The following KCNK17 variants were observed in gnomAD, a reference collection of about 807,000 sequenced individuals.
KCNK17 encodes the protein potassium channel subfamily K member 17.
KCNK17 carries 27 observed loss-of-function variants against 24.6 expected under a neutral mutation model. The observed-to-expected ratio is 1.10, with a 90% CI of 0.81 to 1.51. KCNK17 has a LOEUF of 1.51. KCNK17 is among the 40% of genes most tolerant of loss of function. The pLI is 0.00. For missense variants in KCNK17, 450 were observed against 436.6 expected (o/e 1.03, Z -0.27); for synonymous variants, 181 against 189.8 (o/e 0.95, Z 0.38).
At position 39,301,627 on chromosome 6, in the gene KCNK17, C is replaced by A. The variant is rs572660075; in HGVS notation, c.689-1890G>T. On this transcript the variant is annotated intron_variant, in intron 4 of 4. Coordinates refer to ENST00000373231, the MANE Select transcript of KCNK17 (RefSeq NM_031460.4). ...GAGGCGCTCTTCTCCGTTTTTATTT[C>A]ATTTTTTTAAGCTGAAATCATAAGT... 2.1e-3 allele frequency among the ~76,000 whole-genome samples: 317 copies of A among 152,382 alleles called. 1 individual carries two copies. Among genetic ancestry groups the A allele is most frequent in the African/African-American group, 6.7e-3 (280 of 41,594 alleles).
chr6:39,310,649 T>C (rs1038861599), intron 2 of KCNK17, among the ~76,000 whole-genome samples: 1 of 152,078 alleles, frequency 6.6e-6, no homozygotes, highest in Admixed American at 6.5e-5. Context: ...CCTAGAGCAG[T>C]GCTTGTCAAA....
chr6:39,300,814 T>C (rs987619955), intron 4 of KCNK17, among the ~76,000 whole-genome samples: 1 of 152,196 alleles, frequency 6.6e-6, no homozygotes, highest in African/African-American at 2.4e-5. Flanking sequence ...ATGCTCTTCA[T>C]TTTCCATTTT....
At chr6:39,310,449 G>T (rs563271333) in intron 2 of KCNK17, among the ~76,000 whole-genome samples, 1 of 152,090 alleles carries the variant, frequency 6.6e-6, no homozygotes, top group East Asian at 1.9e-4. Context: ...GGGGTCTAAA[G>T]CTCTTTCTTT....
At chr6:39,303,557 A>T (rs1761979170) in intron 4 of KCNK17, among the ~76,000 whole-genome samples, 1 of 152,164 alleles carries the variant, frequency 6.6e-6, no homozygotes, top group Admixed American at 6.5e-5. Context: ...GGGTTCCAGG[A>T]GTCTCCCGGA....
chr6:39,305,629 CTGTCT>C (rs1303967437), intron 2 of KCNK17, among the ~76,000 whole-genome samples: 1 of 152,232 alleles, frequency 6.6e-6, no homozygotes, highest in Non-Finnish European at 1.5e-5. Flanking sequence ...ATCACCACCA[CTGTCT>C]TGTCTTATTA....
At chr6:39,312,551 T>G (rs775619393) in intron 1 of KCNK17, among the ~76,000 whole-genome samples, 15 of 152,186 alleles carry the variant, frequency 9.9e-5, no homozygotes, top group Non-Finnish European at 1.9e-4. Context: ...AGCCTGTTTC[T>G]TCACCTCTGA....
At chr6:39,314,015 T>TCGGCCCGTACACCCCG in intron 1 of KCNK17, 69 bp downstream of exon 1, 5 of 1,257,696 alleles carry the variant, frequency 4.0e-6, no homozygotes, top group Non-Finnish European at 4.3e-6. Flanking sequence ...CCCCTCGCCC[T>TCGGCCCGTACACCCCG]CGGCCCGTAC....
chr6:39,306,233 G>A lies in KCNK17; in HGVS notation c.353-1578C>T, dbSNP rs541522524. Among the ~76,000 whole-genome samples the A allele has an allele frequency of 9.2e-5, 14 of 152,194 alleles. 1 individual carries two copies. In the South Asian group the frequency reaches 2.1e-3, roughly 23 times the overall value. On this transcript the variant is annotated intron_variant, in intron 2 of 4. Coordinates refer to ENST00000373231, the MANE Select transcript of KCNK17 (RefSeq NM_031460.4). ...TAATTTTTGTATTTTTAGTAGAGAC[G>A]GGGTTTTGCCATGTTGGCCAGGCTG...
At position 39,304,605 on chromosome 6, in the gene KCNK17, A is replaced by T; in HGVS notation, c.403T>A (p.Phe135Ile). The part of the protein sequence containing the change: ...NTMAARLFCI[F>I]FALVGIPLNL... ...AGTGGGATCCCCACAAGGGCAAAGA[A>T]GATGCAGAAGAGGCGGGCAGCCATC... The change falls in exon 3 of 5, where the codon TTC becomes ATC. Residue 135 changes from phenylalanine to isoleucine, a missense_variant. Coordinates refer to ENST00000373231, the MANE Select transcript of KCNK17 (RefSeq NM_031460.4). 3 of 1,613,944 alleles carry T rather than the reference A, an allele frequency of 1.9e-6. No homozygotes were observed. Among genetic ancestry groups the T allele is most frequent in the Non-Finnish European group, 2.5e-6 (3 of 1,179,824 alleles).
intron 3 of KCNK17, 41 bp from the exon 4 acceptor site, chr6:39,304,172 AC>A: frequency 6.3e-7 from 1 of 1,578,592 alleles, no homozygotes; most frequent in Non-Finnish European, 8.6e-7. Context: ...TGAGGCCTTC[AC>A]CCCATGCGTG....
chr6:39,300,257 G>A lies in KCNK17; in HGVS notation c.689-520C>T, dbSNP rs1761928627. On this transcript the variant is annotated intron_variant, in intron 4 of 4. Transcript: ENST00000373231. The stretch of plus-strand genomic sequence containing the variant: ...CCTGCCTCAGCCTCCCGAGTAGCCG[G>A]GACTACAGGCGCCTGCCGCCACGCC... 3 of 550,184 alleles carry A rather than the reference G, an allele frequency of 5.5e-6. No homozygotes were observed. In the Admixed American group the frequency reaches 8.9e-5, roughly 16 times the overall value. 34.1% of individuals were successfully genotyped at this position (550,184 alleles called of 1,614,324 possible).
At position 39,311,072 on chromosome 6, in the gene KCNK17, G is replaced by GCACACACA. The variant is rs59086835; in HGVS notation, c.238-73_238-66dup. 532 of 518,746 alleles carry GCACACACA rather than the reference G, an allele frequency of 1.0e-3. 1 individual carries two copies. Among genetic ancestry groups the GCACACACA allele is most frequent in the Non-Finnish European group, 1.4e-3 (394 of 281,248 alleles). The allele number at this position is 518,746 out of a possible 1,614,324, so 32.1% of individuals were successfully genotyped here. On this transcript the variant is annotated intron_variant, in intron 1 of 4. Transcript: ENST00000373231. ...TGATGGATTTCCTGTACCCCAAGAT[G>GCACACACA]CACACACACACACACACACACACAC...
intron 4 of KCNK17, 46 bp downstream of exon 4, chr6:39,303,911 T>G (rs369333782): frequency 6.3e-7 from 1 of 1,594,768 alleles, no homozygotes; most frequent in East Asian, 2.2e-5. Flanking sequence ...GTGAGAGGTA[T>G]AGGCAGCCGA....
At chr6:39,310,855 C>G in intron 2 of KCNK17, 38 bp downstream of exon 2, 310 of 939,964 alleles carry the variant, frequency 3.3e-4, no homozygotes, top group Non-Finnish European at 4.4e-4. Context: ...CTGCCTCCTT[C>G]CCCCACCCCC....
At chr6:39,301,490 T>C (rs1467854333) in intron 4 of KCNK17, among the ~76,000 whole-genome samples, 2 of 152,186 alleles carry the variant, frequency 1.3e-5, no homozygotes, top group Non-Finnish European at 2.9e-5. Flanking sequence ...ATTAGGCTGA[T>C]TGGGTTATGG....
At chr6:39,299,850 G>T in intron 4 of KCNK17, 113 bp from the exon 5 acceptor site, 1 of 1,111,712 alleles carries the variant, frequency 9.0e-7, no homozygotes, top group Non-Finnish European at 1.3e-6. Context: ...AGGTGCCAAT[G>T]GGACAGAACA....
intron 2 of KCNK17, 142 bp from the exon 3 acceptor site, chr6:39,304,797 TC>T (rs1762008476): frequency 1.2e-6 from 1 of 855,108 alleles, no homozygotes; most frequent in Non-Finnish European, 1.8e-6. Flanking sequence ...ACCAAGGCCC[TC>T]CTTTTCTGTG....
intron 4 of KCNK17, among the ~76,000 whole-genome samples, chr6:39,301,393 G>A (rs1269765152): frequency 6.6e-6 from 1 of 152,230 alleles, no homozygotes. Flanking sequence ...GGTCCCCCAA[G>A]GCTGGGCCCC....
chr6:39,300,134 T>G (rs1329402592), intron 4 of KCNK17, among the ~76,000 whole-genome samples: 1 of 152,206 alleles, frequency 6.6e-6, no homozygotes, highest in East Asian at 1.9e-4. Flanking sequence ...TGTTTTGTTT[T>G]GTTTTGGAGA....
Sources: gnomAD v4.1 joint callset for allele counts (sites outside exome capture counted in the v4.1 genomes callset) on GRCh38, gnomAD v4.1.1 for gene constraint, MANE v1.5 for transcripts, NCBI Gene and HGNC (gene_info 2026-07-23, HGNC 2026-07-21) for gene names.